RGPD6: variants seen among roughly 807,000 people sequenced by gnomAD.
RGPD6 encodes the protein RANBP2-like and GRIP domain-containing protein 5/6.
At chr2:110,607,605 C>T in the RGPD6 span, among the ~76,000 whole-genome samples, 2 of 149,290 alleles carry the variant, frequency 1.3e-5, no homozygotes, top group Non-Finnish European at 3.0e-5. Flanking sequence ...TCTGTGACTG[C>T]AAGAATAAAC....
At chr2:110,608,442 T>C in the RGPD6 span, among the ~76,000 whole-genome samples, 1 of 151,198 alleles carries the variant, frequency 6.6e-6, no homozygotes, top group Non-Finnish European at 1.5e-5. Context: ...CAGAAAGTTC[T>C]CAAATATTAG....
chr2:110,611,014 G>C, the RGPD6 span: 2 of 964,102 alleles, frequency 2.1e-6, no homozygotes, highest in East Asian at 1.3e-4. Context: ...GCACACTCAA[G>C]AGAGAGCAGC....
the RGPD6 span, among the ~76,000 whole-genome samples, chr2:110,590,508 TAAC>T: frequency 2.4e-5 from 2 of 83,892 alleles, no homozygotes; most frequent in African/African-American, 8.1e-5. Context: ...GTACAATTAA[TAAC>T]AACTTAAAAA....
At chr2:110,600,135 C>T in the RGPD6 span, among the ~76,000 whole-genome samples, 1 of 146,514 alleles carries the variant, frequency 6.8e-6, no homozygotes, top group Non-Finnish European at 1.5e-5. Flanking sequence ...GGACTTTATC[C>T]ACATCACTGT....
the RGPD6 span, among the ~76,000 whole-genome samples, chr2:110,594,204 T>C: frequency 3.4e-5 from 5 of 147,236 alleles, no homozygotes; most frequent in Non-Finnish European, 5.9e-5. Context: ...TAGAAAAGAC[T>C]TTGACAAAAA....
chr2:110,593,690 TA>T, the RGPD6 span, among the ~76,000 whole-genome samples: 1 of 149,650 alleles, frequency 6.7e-6, no homozygotes, highest in Non-Finnish European at 1.5e-5. Context: ...ACCTAAAATC[TA>T]AATGTGTCAC....
chr2:110,589,614 T>C, the RGPD6 span, among the ~76,000 whole-genome samples: 1 of 143,046 alleles, frequency 7.0e-6, no homozygotes, highest in Non-Finnish European at 1.5e-5. Flanking sequence ...GCACTGAGGT[T>C]TTCCTGGAGT....
chr2:110,608,362 CACTT>C, the RGPD6 span, among the ~76,000 whole-genome samples: 56 of 150,386 alleles, frequency 3.7e-4, 1 homozygote, highest in African/African-American at 9.9e-4. Flanking sequence ...GAACTACTAC[CACTT>C]ACTTACCCTT....
chr2:110,599,857 T>A, the RGPD6 span, among the ~76,000 whole-genome samples: 1 of 105,958 alleles, frequency 9.4e-6, no homozygotes, highest in South Asian at 3.9e-4. Flanking sequence ...CCGTTCATAT[T>A]CAAAGATTAA....
the RGPD6 span, among the ~76,000 whole-genome samples, chr2:110,596,968 AT>A: frequency 2.7e-5 from 1 of 37,184 alleles, no homozygotes; most frequent in African/African-American, 8.3e-5. Flanking sequence ...TATAATATAT[AT>A]TATGTATATA....
chr2:110,593,421 C>CA, the RGPD6 span, among the ~76,000 whole-genome samples: 3 of 145,404 alleles, frequency 2.1e-5, no homozygotes, highest in African/African-American at 5.5e-5. Context: ...AGTAGAGCTT[C>CA]AAATGGACCA....
chr2:110,607,657 AT>A, the RGPD6 span, among the ~76,000 whole-genome samples: 2 of 147,328 alleles, frequency 1.4e-5, no homozygotes, highest in Admixed American at 6.7e-5. Context: ...ATAAATTCCA[AT>A]TTGTTCAATT....
At chr2:110,610,555 G>A in the RGPD6 span, among the ~76,000 whole-genome samples, 1 of 151,144 alleles carries the variant, frequency 6.6e-6, no homozygotes, top group Non-Finnish European at 1.5e-5. Flanking sequence ...CATCCCACCC[G>A]GGGAGGCAGA....
the RGPD6 span, among the ~76,000 whole-genome samples, chr2:110,593,352 T>A: frequency 4.1e-5 from 6 of 146,960 alleles, no homozygotes; most frequent in Non-Finnish European, 1.5e-5. Flanking sequence ...GGTGTGGGTG[T>A]GTGTTGTTTA....
the RGPD6 span, chr2:110,610,872 A>C: frequency 1.1e-6 from 1 of 882,668 alleles, no homozygotes; most frequent in Non-Finnish European, 1.4e-6. Context: ...CTCAAGGTGC[A>C]TCCCAGCCGC....
the RGPD6 span, among the ~76,000 whole-genome samples, chr2:110,610,564 G>A: frequency 4.7e-5 from 7 of 149,248 alleles, no homozygotes; most frequent in Admixed American, 4.0e-4. Context: ...CGGGGAGGCA[G>A]AAAAGGGCTG....
At chr2:110,589,402 G>A in the RGPD6 span, among the ~76,000 whole-genome samples, 1 of 152,166 alleles carries the variant, frequency 6.6e-6, no homozygotes, top group East Asian at 1.9e-4. Flanking sequence ...TTAAAATAAT[G>A]CATTTGAATT....
At chr2:110,589,552 A>G in the RGPD6 span, among the ~76,000 whole-genome samples, 1 of 150,954 alleles carries the variant, frequency 6.6e-6, no homozygotes, top group African/African-American at 2.4e-5. Flanking sequence ...AATCTAAGCT[A>G]CCTGACTCCA....
At chr2:110,591,446 TAA>T in the RGPD6 span, among the ~76,000 whole-genome samples, 12 of 142,534 alleles carry the variant, frequency 8.4e-5, no homozygotes, top group African/African-American at 2.6e-4. Flanking sequence ...TTCTTAAAAC[TAA>T]AAAAAAAAAA....
Sources: gnomAD v4.1 joint callset for allele counts (sites outside exome capture counted in the v4.1 genomes callset) on GRCh38, gnomAD v4.1.1 for gene constraint, MANE v1.5 for transcripts, NCBI Gene and HGNC (gene_info 2026-07-23, HGNC 2026-07-21) for gene names.